The following ST13 variants were observed in gnomAD, a reference collection of about 807,000 sequenced individuals.
The protein encoded by ST13 is hsc70-interacting protein.
Under a neutral mutation model 56.7 loss-of-function variants are expected in ST13, and 23 were observed. The observed-to-expected ratio is 0.41, with a 90% CI of 0.29 to 0.57. ST13 has a LOEUF of 0.57. ST13 is among the 20% of genes least tolerant of loss of function. The pLI is 0.36. For synonymous variants in ST13, 132 were observed against 142.4 expected (o/e 0.93, Z 0.52); for missense variants, 369 against 459.9 (o/e 0.80, Z 1.81).
chr22:40,833,850 A>G (rs1426696818), intron 7 of ST13, among the ~76,000 whole-genome samples: 1 of 152,148 alleles, frequency 6.6e-6, no homozygotes, highest in Non-Finnish European at 1.5e-5. Flanking sequence ...TGGGTGAAGG[A>G]GCAAAATGCC....
chr22:40,853,360 TA>T lies in ST13; in HGVS notation c.111-2481del, dbSNP rs544832874. Among the ~76,000 whole-genome samples the T allele has an allele frequency of 4.2e-3, 630 of 148,878 alleles. 3 individuals are homozygous for T. The highest frequency in any genetic ancestry group is 0.038 in the Middle Eastern group (11 of 288). On this transcript the variant is annotated intron_variant, in intron 1 of 11. Coordinates refer to ENST00000216218, the MANE Select transcript of ST13 (RefSeq NM_003932.5). ...ATTGTTGCAAAAAAAATAAAAACTT[TA>T]AAAAAAAAAGAGGATTTACTCATAA...
In ST13 at chr22:40,845,323, A is replaced by G. The variant is rs1423847855; in HGVS notation, c.245-414T>C. Among the ~76,000 whole-genome samples, 10 of 152,222 alleles carry G rather than the reference A, an allele frequency of 6.6e-5. No homozygotes were observed. The East Asian group carries it at 1.9e-3, about 29-fold the overall frequency. On this transcript the variant is annotated intron_variant, in intron 3 of 11. Coordinates refer to ENST00000216218, the MANE Select transcript of ST13 (RefSeq NM_003932.5). ...TCAACGTAAATCAAAATATTTTAAT[A>G]TAATTACATTCATTACTTTCCTTTT...
At chr22:40,833,024 T>C (rs927629819) in intron 7 of ST13, among the ~76,000 whole-genome samples, 1 of 152,166 alleles carries the variant, frequency 6.6e-6, no homozygotes, top group Non-Finnish European at 1.5e-5. Context: ...ACCTTCTATG[T>C]AAGACAGAAG....
intron 5 of ST13, among the ~76,000 whole-genome samples, chr22:40,837,532 GCT>G (rs2057783614): frequency 2.6e-5 from 4 of 152,148 alleles, no homozygotes; most frequent in Non-Finnish European, 5.9e-5. Context: ...TGTAATCCCA[GCT>G]ACTCAGGAAT....
chr22:40,836,251 C>A (rs369472989), intron 5 of ST13, among the ~76,000 whole-genome samples: 1 of 152,154 alleles, frequency 6.6e-6, no homozygotes, highest in Non-Finnish European at 1.5e-5. Context: ...GAGATCGAGA[C>A]CATCCTGGCT....
In ST13 at chr22:40,835,942, A is replaced by T. The variant is rs184647285; in HGVS notation, c.383-55T>A. 2.1e-3 allele frequency: 2,880 copies of T among 1,385,488 alleles called. 5 individuals carry two copies. The highest frequency in any genetic ancestry group is 2.5e-3 in the Non-Finnish European group (2,512 of 1,000,506). 85.8% of individuals were successfully genotyped at this position (1,385,488 alleles called of 1,614,324 possible). ...ATTCAGAGGATAAAAATATTAATAA[A>T]AAGTTTTGATCTGTTATCCAGTTAA... On this transcript the variant is annotated intron_variant, in intron 5 of 11. Coordinates refer to ENST00000216218, the MANE Select transcript of ST13 (RefSeq NM_003932.5).
chr22:40,848,169 C>T (rs1453211823), intron 3 of ST13, 125 bp downstream of exon 3: 3 of 641,406 alleles, frequency 4.7e-6, no homozygotes, highest in South Asian at 4.0e-5. Flanking sequence ...ACTACTAGAA[C>T]ATTCTAAGTT....
intron 1 of ST13, among the ~76,000 whole-genome samples, chr22:40,854,972 G>C (rs938009183): frequency 1.3e-5 from 2 of 152,160 alleles, no homozygotes; most frequent in African/African-American, 4.8e-5. Flanking sequence ...AATGGTCTCA[G>C]AATTTCACAT....
At chr22:40,845,176 C>CTGATT (rs1343442041) in intron 3 of ST13, among the ~76,000 whole-genome samples, 1 of 152,112 alleles carries the variant, frequency 6.6e-6, no homozygotes, top group Non-Finnish European at 1.5e-5. Flanking sequence ...AAATACACCA[C>CTGATT]TGATTTAGTC....
intron 8 of ST13, among the ~76,000 whole-genome samples, chr22:40,831,460 G>A (rs936839290): frequency 6.6e-6 from 1 of 152,150 alleles, no homozygotes; most frequent in African/African-American, 2.4e-5. Context: ...GGGATTAAGA[G>A]GGAAAAATGT....
At chr22:40,849,031 T>C (rs759049345) in intron 2 of ST13, among the ~76,000 whole-genome samples, 1 of 152,206 alleles carries the variant, frequency 6.6e-6, no homozygotes, top group East Asian at 1.9e-4. Context: ...TGCAGGATAG[T>C]CTCTCTATAT....
At chr22:40,833,135 G>A (rs1274811335) in intron 7 of ST13, among the ~76,000 whole-genome samples, 1 of 152,176 alleles carries the variant, frequency 6.6e-6, no homozygotes, top group Admixed American at 6.5e-5. Flanking sequence ...AGAGGAGACA[G>A]CAACGAAAAC....
At chr22:40,856,291 C>T (rs1367919981) in intron 1 of ST13, 140 bp downstream of exon 1, 6 of 715,952 alleles carry the variant, frequency 8.4e-6, no homozygotes, top group Non-Finnish European at 1.2e-5. Context: ...CTTCCATGAC[C>T]CCTCGAAGTT....
intron 10 of ST13, among the ~76,000 whole-genome samples, chr22:40,828,975 T>A (rs906559039): frequency 5.3e-5 from 8 of 152,190 alleles, no homozygotes; most frequent in South Asian, 2.1e-4. Flanking sequence ...AACAAAGATA[T>A]CTGACAATAA....
chr22:40,840,754 A>G (rs773297733), intron 4 of ST13, 62 bp from the exon 5 acceptor site: 60 of 1,440,156 alleles, frequency 4.2e-5, no homozygotes, highest in Non-Finnish European at 5.7e-5. Context: ...AGCAATTCAT[A>G]CTTTCTTAGG....
chr22:40,845,791 G>A (rs2057828085), intron 3 of ST13, among the ~76,000 whole-genome samples: 1 of 151,388 alleles, frequency 6.6e-6, no homozygotes, highest in Non-Finnish European at 1.5e-5. Context: ...AATTTGATAA[G>A]AAGTTTCCTT....
chr22:40,830,530 G>A (rs1320623352), intron 9 of ST13, among the ~76,000 whole-genome samples: 6 of 152,000 alleles, frequency 3.9e-5, no homozygotes, highest in Admixed American at 1.3e-4. Context: ...TTAATCTGGC[G>A]AAGCATCCTC....
At chr22:40,835,924 G>A (rs2057775151) in intron 5 of ST13, 37 bp from the exon 6 acceptor site, 1 of 1,476,812 alleles carries the variant, frequency 6.8e-7, no homozygotes, top group Non-Finnish European at 9.3e-7. Context: ...AATATTCAGA[G>A]GATAAAAATA....
In ST13 at chr22:40,826,442, G is replaced by C; in HGVS notation, c.*96C>G. The C allele has an allele frequency of 2.3e-6, 3 of 1,302,038 alleles. No homozygotes were observed. Among genetic ancestry groups the C allele is most frequent in the Non-Finnish European group, 3.1e-6 (3 of 953,676 alleles). 80.7% of individuals were successfully genotyped at this position (1,302,038 alleles called of 1,614,324 possible). A position where few individuals can be genotyped will look rare whatever the true frequency, so the allele number is the denominator to read the frequency against. On this transcript the variant is annotated 3_prime_UTR_variant, in exon 12 of 12. Coordinates refer to ENST00000216218, the MANE Select transcript of ST13 (RefSeq NM_003932.5). ...CAAAGCACCCCAGCTCTCTTGATGA[G>C]AAGGTCAGAGGTACACTGGTTTGTA...
Sources: allele counts gnomAD v4.1 joint callset (sites outside exome capture counted in the v4.1 genomes callset), GRCh38; gene constraint gnomAD v4.1.1; transcripts MANE v1.5; gene names NCBI Gene and HGNC (gene_info 2026-07-23, HGNC 2026-07-21).